CCDC150: variants seen among roughly 807,000 people sequenced by gnomAD.
CCDC150 encodes the protein coiled-coil domain containing 150.
In CCDC150, 151 loss-of-function variants were observed where a neutral mutation model predicts 156.5. The ratio of observed to expected loss-of-function variants is 0.97; its 90% CI spans 0.85 to 1.10. The LOEUF is 1.10. Ranked by LOEUF, CCDC150 falls within the 50% of genes least tolerant of loss-of-function variation. The pLI, the probability that CCDC150 is intolerant of heterozygous loss-of-function variation, is 0.00. For synonymous variants in CCDC150, 452 were observed against 429.4 expected, an observed-to-expected ratio of 1.05 and a Z score of -0.65; for missense variants, 1,312 against 1,268.1, an observed-to-expected ratio of 1.03 and a Z score of -0.53.
At chr2:196,729,512 G>A (rs527650375) in intron 23 of CCDC150, 125 bp downstream of exon 23, 209 of 930,382 alleles carry the variant, frequency 2.2e-4, no homozygotes, top group Non-Finnish European at 3.1e-4. Flanking sequence ...ATTATAGCCA[G>A]TTGTCTTTGG....
intron 14 of CCDC150, among the ~76,000 whole-genome samples, chr2:196,696,266 GA>G (rs1277233034): frequency 6.6e-6 from 1 of 151,674 alleles, no homozygotes; most frequent in Admixed American, 6.6e-5. Flanking sequence ...AACATTTATT[GA>G]ATTCTTAGTA....
rs747016021 is a variant in CCDC150 at position 196,730,055 on chromosome 2, A to G, written c.2919A>G (p.Lys973=). 5 of 1,613,790 alleles carry G rather than the reference A, an allele frequency of 3.1e-6. No individual in the cohort carries two copies. Among genetic ancestry groups the G allele is most frequent in the Non-Finnish European group, 1.7e-6 (2 of 1,179,832 alleles). Residue 973 remains lysine (K), a synonymous_variant, in exon 25 of 28, where the codon AAA becomes AAG. Transcript: ENST00000389175. ...KSQYDASVRN[K]QQELHLEAER... ...AATATGATGCCTCAGTGCGGAATAA[A>G]CAGCAAGAGCTGCACCTAGAAGCAG... is the stretch of plus-strand genomic sequence containing the variant.
intron 13 of CCDC150, among the ~76,000 whole-genome samples, chr2:196,694,716 G>A (rs1253348198): frequency 6.6e-6 from 1 of 152,062 alleles, no homozygotes; most frequent in African/African-American, 2.4e-5. Context: ...ACAAAAATTA[G>A]CTGGGCATGG....
intron 2 of CCDC150, among the ~76,000 whole-genome samples, chr2:196,647,523 A>G (rs969813458): frequency 6.6e-6 from 1 of 152,144 alleles, no homozygotes; most frequent in Non-Finnish European, 1.5e-5. Context: ...CTTATCACAC[A>G]TTGGCCTCAT....
chr2:196,732,296 C>CT (rs776170925), intron 27 of CCDC150, 144 bp downstream of exon 27: 117 of 1,169,206 alleles, frequency 1.0e-4, no homozygotes, highest in Non-Finnish European at 1.2e-4. Flanking sequence ...CAATTAATTT[C>CT]TTTTTTTTAC....
chr2:196,721,167 G>T (rs1415734679), intron 20 of CCDC150, among the ~76,000 whole-genome samples: 1 of 150,574 alleles, frequency 6.6e-6, no homozygotes, highest in Non-Finnish European at 1.5e-5. Context: ...TTCTTCAAGG[G>T]AGTGAGACCA....
chr2:196,702,148 C>T (rs1320825639), intron 15 of CCDC150, among the ~76,000 whole-genome samples: 1 of 151,980 alleles, frequency 6.6e-6, no homozygotes, highest in Non-Finnish European at 1.5e-5. Flanking sequence ...AGGTGGGAGC[C>T]CCAAGTGGGA....
rs746130984 is a variant in CCDC150, at chr2:196,730,898, G to C, written c.3022G>C (p.Glu1008Gln). ...ETVRHLKKCK[E>Q]ATENTLKEAS... The stretch of plus-strand genomic sequence containing the variant: ...TGTCAGACACCTGAAGAAATGTAAA[G>C]AGGCAACAGAGAATACGCTGAAAGA... Residue 1008 changes from glutamate (E) to glutamine (Q), a missense_variant, in exon 26 of 28, where the codon GAG (glutamate) becomes CAG (glutamine). Coordinates refer to ENST00000389175, the MANE Select transcript of CCDC150 (RefSeq NM_001080539.2). 3 of 1,601,828 alleles carry C rather than the reference G, an allele frequency of 1.9e-6. No individual in the cohort carries two copies. Among genetic ancestry groups the C allele is most frequent in the South Asian group, 2.3e-5 (2 of 88,206 alleles).
intron 2 of CCDC150, among the ~76,000 whole-genome samples, chr2:196,653,424 A>G (rs1007266788): frequency 2.1e-4 from 32 of 152,166 alleles, no homozygotes; most frequent in African/African-American, 7.2e-4. Flanking sequence ...TCACTCTTAA[A>G]TCCAGATTTC....
intron 14 of CCDC150, among the ~76,000 whole-genome samples, chr2:196,698,945 C>T (rs1041332989): frequency 1.3e-5 from 2 of 152,070 alleles, no homozygotes; most frequent in Admixed American, 6.6e-5. Context: ...TATTATTGAC[C>T]ATCCTTACAA....
intron 17 of CCDC150, among the ~76,000 whole-genome samples, chr2:196,716,175 T>A (rs968219088): frequency 6.3e-4 from 96 of 152,336 alleles, no homozygotes; most frequent in African/African-American, 2.3e-3. Context: ...CTATTATGGG[T>A]ACAGCCACTT....
chr2:196,667,831 T>C (rs907760542), intron 7 of CCDC150: 4 of 152,236 alleles, frequency 2.6e-5, no homozygotes, highest in Admixed American at 6.5e-5. Flanking sequence ...CCTTTTCTTA[T>C]AGTAGTGAAT....
chr2:196,714,488 T>C (rs1225934566), intron 17 of CCDC150, among the ~76,000 whole-genome samples: 1 of 151,952 alleles, frequency 6.6e-6, no homozygotes, highest in Admixed American at 6.5e-5. Context: ...TAGTAGCCTT[T>C]GATCCTTTGC....
intron 2 of CCDC150, among the ~76,000 whole-genome samples, chr2:196,650,265 T>A (rs1160025680): frequency 6.6e-6 from 1 of 152,262 alleles, no homozygotes; most frequent in African/African-American, 2.4e-5. Flanking sequence ...ATTTTTATCC[T>A]TCATTCTGTT....
chr2:196,683,312 A>G (rs1342437775), intron 13 of CCDC150, among the ~76,000 whole-genome samples: 2 of 152,010 alleles, frequency 1.3e-5, no homozygotes, highest in African/African-American at 4.8e-5. Context: ...ACTATGGTGT[A>G]TTACAGTGAT....
chr2:196,647,445 A>G (rs558257271), intron 2 of CCDC150, among the ~76,000 whole-genome samples: 1 of 152,212 alleles, frequency 6.6e-6, no homozygotes, highest in Admixed American at 6.5e-5. Context: ...TTGTTTCTAC[A>G]TAACAAGAAA....
intron 5 of CCDC150, among the ~76,000 whole-genome samples, chr2:196,665,287 T>A (rs1362582935): frequency 1.3e-5 from 2 of 152,210 alleles, no homozygotes; most frequent in Non-Finnish European, 2.9e-5. Context: ...TTTTTCCTTT[T>A]TCTGAGTGCT....
intron 22 of CCDC150, among the ~76,000 whole-genome samples, chr2:196,728,251 T>A (rs2125717521): frequency 6.6e-6 from 1 of 152,342 alleles, no homozygotes; most frequent in East Asian, 1.9e-4. Flanking sequence ...TTGTTAGTGC[T>A]TATCCAGTTT....
intron 21 of CCDC150, among the ~76,000 whole-genome samples, chr2:196,722,772 G>C (rs2125709922): frequency 6.6e-6 from 1 of 152,190 alleles, no homozygotes; most frequent in Middle Eastern, 3.4e-3. Context: ...TGTCAGTTTA[G>C]GTAATTATGA....
Sources: allele counts gnomAD v4.1 joint callset (sites outside exome capture counted in the v4.1 genomes callset), GRCh38; gene constraint gnomAD v4.1.1; transcripts MANE v1.5; gene names NCBI Gene and HGNC (gene_info 2026-07-23, HGNC 2026-07-21).